DIPK2B: variants seen among roughly 807,000 people sequenced by gnomAD.
DIPK2B encodes the protein UPF0672 protein CXorf36.
A neutral mutation model predicts 22.2 loss-of-function variants in DIPK2B; 15 were observed. That is an observed-to-expected ratio of 0.68 (90% CI 0.45 to 1.04). The LOEUF (loss-of-function observed/expected upper bound fraction) is 1.04. DIPK2B is among the 50% of genes least tolerant of loss of function. DIPK2B has a pLI of 0.00. For missense variants in DIPK2B, 345 were observed against 348.3 expected, an observed-to-expected ratio of 0.99 and a Z score of 0.08; for synonymous variants, 163 against 153.2, an observed-to-expected ratio of 1.06 and a Z score of -0.47.
intron 2 of DIPK2B, among the ~76,000 whole-genome samples, chrX:45,189,516 G>C (rs184107208): frequency 0.014 from 1,538 of 111,849 alleles, 12 homozygotes; most frequent in Admixed American, 0.035. Context: ...AGGAGGCTGA[G>C]ACAGAAGAGT....
chrX:45,198,122 A>G (rs1375474453), intron 1 of DIPK2B, among the ~76,000 whole-genome samples: 7 of 111,732 alleles, frequency 6.3e-5, no homozygotes, highest in African/African-American at 2.3e-4. Flanking sequence ...AGTTTCCAAA[A>G]AGTATACACA....
chrX:45,190,649 G>A (rs1027198472), intron 2 of DIPK2B, among the ~76,000 whole-genome samples: 5 of 112,013 alleles, frequency 4.5e-5, no homozygotes, highest in African/African-American at 1.6e-4. Flanking sequence ...TGTTATTACT[G>A]TGTCTCTGCT....
chrX:45,191,765 G>C lies in DIPK2B; in HGVS notation c.484C>G (p.Pro162Ala). 8.3e-7 allele frequency: 1 copy of C among 1,211,160 alleles called. No homozygotes were observed. The stretch of plus-strand genomic sequence containing the variant: ...TTCACACTCACCTGCACCAGGTCCG[G>C]CGTGAGGCGCTTGGCCTGCAGCCAT... The part of the protein sequence containing the change: ...QKWLQAKRLT[P>A]DLVQGLASPL... The change falls in exon 2 of 5, where the codon CCG becomes GCG. Residue 162 changes from proline (P) to alanine (A), a missense_variant. Coordinates refer to ENST00000398000, the MANE Select transcript of DIPK2B (RefSeq NM_176819.4).
chrX:45,158,742 T>G (rs5952694), intron 2 of DIPK2B, among the ~76,000 whole-genome samples: 24,642 of 111,142 alleles, frequency 0.22, 2,724 homozygotes, highest in East Asian at 0.47. Context: ...TTACTTAGTC[T>G]CTCTGTACCT....
chrX:45,162,864 T>C (rs2047029138), intron 2 of DIPK2B: 1 of 752,693 alleles, frequency 1.3e-6, no homozygotes, highest in African/African-American at 2.3e-5. Flanking sequence ...TGCTTGGCTA[T>C]ATTGTTACTT....
At chrX:45,168,224 G>A (rs902538574) in intron 2 of DIPK2B, among the ~76,000 whole-genome samples, 2 of 112,094 alleles carry the variant, frequency 1.8e-5, no homozygotes, top group African/African-American at 6.5e-5. Context: ...CTCTGTTACC[G>A]TTGGCTTAGG....
chrX:45,153,534 G>GGA (rs768301119), intron 4 of DIPK2B, among the ~76,000 whole-genome samples: 2 of 103,145 alleles, frequency 1.9e-5, no homozygotes, highest in Non-Finnish European at 4.0e-5. Flanking sequence ...CAGAGAGAGA[G>GGA]GAGAGAGAGA....
chrX:45,192,464 A>C (rs1194268404), intron 1 of DIPK2B, among the ~76,000 whole-genome samples: 1 of 110,578 alleles, frequency 9.0e-6, no homozygotes, highest in Non-Finnish European at 1.9e-5. Context: ...TCAGTCAGCA[A>C]ACCCCAGTAT....
intron 2 of DIPK2B, among the ~76,000 whole-genome samples, chrX:45,160,813 G>A (rs982486412): frequency 4.6e-4 from 52 of 111,892 alleles, no homozygotes; most frequent in Middle Eastern, 4.2e-3. Context: ...AAGCAGATAC[G>A]CATTTTATGC....
chrX:45,153,474 T>TAGTGTGTGTG (rs778708679), intron 4 of DIPK2B, among the ~76,000 whole-genome samples: 36 of 73,862 alleles, frequency 4.9e-4, no homozygotes, highest in African/African-American at 1.7e-3. Flanking sequence ...CCCAAAAGTT[T>TAGTGTGTGTG]TGTGTGTGTG....
intron 2 of DIPK2B, among the ~76,000 whole-genome samples, chrX:45,174,744 C>T (rs1262838091): frequency 9.0e-6 from 1 of 110,761 alleles, no homozygotes; most frequent in Admixed American, 9.6e-5. Context: ...CTGTGGGGCT[C>T]TTGAACATCA....
chrX:45,200,844 A>C lies in DIPK2B; in HGVS notation c.-18T>G. 8.8e-7 allele frequency: 1 copy of C among 1,140,569 alleles called. No homozygotes were observed. Among genetic ancestry groups the C allele is most frequent in the South Asian group, 1.9e-5 (1 of 51,988 alleles). The allele number at this position is 1,140,569 out of a possible 1,213,427, so 94.0% of individuals were successfully genotyped here. ...GGCTCCATCTTGGGCTCTGGGCTCC[A>C]GCTGCAGCCTCTGGCTGTCCACTCG... On this transcript the variant is annotated 5_prime_UTR_variant, in exon 1 of 5. Coordinates refer to ENST00000398000, the MANE Select transcript of DIPK2B (RefSeq NM_176819.4).
chrX:45,183,363 G>C (rs2047165197), intron 2 of DIPK2B: 2 of 112,087 alleles, frequency 1.8e-5, no homozygotes, highest in Admixed American at 1.9e-4. Flanking sequence ...CCCAGCCTGA[G>C]AGATTCACAG....
At chrX:45,156,290 C>G (rs967221288) in intron 3 of DIPK2B, among the ~76,000 whole-genome samples, 1 of 111,102 alleles carries the variant, frequency 9.0e-6, no homozygotes, top group Non-Finnish European at 1.9e-5. Flanking sequence ...ACCTTTCTTA[C>G]TGTGTACCGC....
chrX:45,191,417 A>G (rs2047210015), intron 2 of DIPK2B: 2 of 242,571 alleles, frequency 8.2e-6, no homozygotes, highest in Non-Finnish European at 1.5e-5. Context: ...TCAGAGAATG[A>G]TGCAGGTGAG....
intron 2 of DIPK2B, among the ~76,000 whole-genome samples, chrX:45,166,220 A>T (rs141983760): frequency 0.015 from 1,645 of 111,579 alleles, 34 homozygotes; most frequent in South Asian, 0.054. Flanking sequence ...CAGTGACCGA[A>T]GCACCAGATG....
chrX:45,191,596 A>AC, intron 2 of DIPK2B, 155 bp downstream of exon 2: 1 of 636,322 alleles, frequency 1.6e-6, no homozygotes. Context: ...TTCCTGTCTT[A>AC]CCGTAAGCCA....
chrX:45,172,289 G>C (rs2047087462), intron 2 of DIPK2B, among the ~76,000 whole-genome samples: 1 of 111,799 alleles, frequency 8.9e-6, no homozygotes, highest in South Asian at 3.8e-4. Flanking sequence ...GGTTGCTTTG[G>C]GGGACTTGTG....
chrX:45,164,408 G>T (rs1262473358), intron 2 of DIPK2B, among the ~76,000 whole-genome samples: 1 of 95,744 alleles, frequency 1.0e-5, no homozygotes, highest in African/African-American at 6.2e-5. Context: ...ATAAGGACCA[G>T]GAAGGAAGTG....
Sources: gnomAD v4.1 joint callset for allele counts (sites outside exome capture counted in the v4.1 genomes callset) on GRCh38, gnomAD v4.1.1 for gene constraint, MANE v1.5 for transcripts, NCBI Gene and HGNC (gene_info 2026-07-23, HGNC 2026-07-21) for gene names.